Variants in RIC1 observed in about 807,000 individuals in gnomAD.
RIC1 encodes the protein RIC1 partner of RAB6A GEF complex.
A neutral mutation model predicts 169.0 loss-of-function variants in RIC1; 88 were observed. That is an observed-to-expected ratio of 0.52 (90% CI 0.44 to 0.62). The LOEUF is 0.62. RIC1 is among the 20% of genes least tolerant of loss of function. RIC1 has a pLI of 0.00. For missense variants in RIC1, 1,877 were observed against 1,725.5 expected (o/e 1.09, Z -1.56); for synonymous variants, 790 against 601.5 (o/e 1.31, Z -4.59).
chr9:5,687,824 C>A (rs756068505), intron 2 of RIC1, among the ~76,000 whole-genome samples: 1 of 152,102 alleles, frequency 6.6e-6, no homozygotes. Context: ...CTGACTCTTA[C>A]CCCTGTCATG....
chr9:5,774,034 C>G lies in RIC1; in HGVS notation c.4060C>G (p.Gln1354Glu), dbSNP rs1486361038. Residue 1354 changes from glutamine (Q) to glutamate (E), a missense_variant, in exon 26 of 26, where the codon CAG (glutamine) becomes GAG (glutamate). Gln to Glu is a conservative substitution (Grantham distance 29). Transcript: ENST00000414202. The stretch of plus-strand genomic sequence containing the variant: ...CAGTGAGATAACAGAAGAGCAGGTC[C>G]AGCCAGATGCCTTCCAACCAATAAC... Reference protein sequence around the residue: ...KLSEITEEQVQPDAFQPITMG... With the variant: ...KLSEITEEQVEPDAFQPITMG... The G allele has an allele frequency of 6.2e-7, 1 of 1,614,052 alleles. No homozygotes were observed. The highest frequency in any genetic ancestry group is 8.5e-7 in the Non-Finnish European group (1 of 1,179,956).
Position 5,734,074 on chromosome 9 carries a change from TA to T in RIC1, c.812+1597del, listed in dbSNP as rs1053036596. On this transcript the variant is annotated intron_variant, in intron 7 of 25. Transcript: ENST00000414202. ...TATATTTAAATATTATAAATATATA[TA>T]ATATATATTTTAAATATATATATAT... Among the ~76,000 whole-genome samples the T allele has an allele frequency of 4.6e-3, 682 of 147,244 alleles. 3 individuals carry two copies. The highest frequency in any genetic ancestry group is 0.016 in the African/African-American group (631 of 40,678).
rs1377309522 is a variant in RIC1, at chr9:5,713,949, C to T, written c.386C>T (p.Pro129Leu). Residue 129 changes from proline to leucine, a missense_variant, in exon 4 of 26, where the codon CCA becomes CTA. By Grantham distance (98) the Pro-to-Leu change is moderately conservative. Coordinates refer to ENST00000414202, the MANE Select transcript of RIC1 (RefSeq NM_020829.4). ...CATTTTAAGGAAGAACAGTGTGCTCCAGCATTAAATTTGGAGATGAGGAAA... is the reference window on the plus strand; with the variant it reads ...CATTTTAAGGAAGAACAGTGTGCTCTAGCATTAAATTTGGAGATGAGGAAA... ...TPHFKEEQCA[P>L]ALNLEMRKIL... is the part of the protein sequence containing the mutation. 3.0e-5 allele frequency: 48 copies of T among 1,613,206 alleles called. No homozygotes were observed. The highest frequency in any genetic ancestry group is 4.0e-5 in the Non-Finnish European group (47 of 1,179,446).
At chr9:5,716,323 C>T (rs1823238967) in intron 4 of RIC1, among the ~76,000 whole-genome samples, 1 of 152,072 alleles carries the variant, frequency 6.6e-6, no homozygotes. Flanking sequence ...TATTTCAGAA[C>T]CAGGCTGGGC....
chr9:5,705,405 T>C (rs896466502), intron 3 of RIC1, among the ~76,000 whole-genome samples: 4 of 152,116 alleles, frequency 2.6e-5, no homozygotes, highest in Non-Finnish European at 4.4e-5. Flanking sequence ...TTTTATTCCT[T>C]TTTGATGCTA....
chr9:5,754,470 T>G (rs1223638693), intron 14 of RIC1, among the ~76,000 whole-genome samples: 1 of 152,222 alleles, frequency 6.6e-6, no homozygotes, highest in Non-Finnish European at 1.5e-5. Flanking sequence ...GGCTCACGCC[T>G]GTAATCCCAG....
intron 2 of RIC1, among the ~76,000 whole-genome samples, chr9:5,680,515 C>G (rs903718629): frequency 6.6e-5 from 10 of 152,162 alleles, no homozygotes; most frequent in Non-Finnish European, 1.2e-4. Flanking sequence ...GCCTCAATTT[C>G]AGAGCCTGTT....
At chr9:5,694,874 C>T (rs924058226) in intron 3 of RIC1, among the ~76,000 whole-genome samples, 3 of 150,174 alleles carry the variant, frequency 2.0e-5, no homozygotes, top group Non-Finnish European at 4.4e-5. Flanking sequence ...AAATTATTTT[C>T]ATCCATCTGT....
intron 2 of RIC1, among the ~76,000 whole-genome samples, 166 bp downstream of exon 2, chr9:5,656,856 A>G (rs564316206): frequency 6.6e-6 from 1 of 152,306 alleles, no homozygotes; most frequent in African/African-American, 2.4e-5. Context: ...TACTCCTACT[A>G]TAGCTTTTCT....
At chr9:5,767,315 A>G (rs1826842444) in intron 21 of RIC1, among the ~76,000 whole-genome samples, 1 of 152,210 alleles carries the variant, frequency 6.6e-6, no homozygotes, top group Non-Finnish European at 1.5e-5. Context: ...TCACCCATAG[A>G]TGGGATATTG....
intron 7 of RIC1, 104 bp from the exon 8 acceptor site, chr9:5,738,346 G>C: frequency 1.4e-6 from 1 of 729,878 alleles, no homozygotes; most frequent in East Asian, 2.7e-5. Flanking sequence ...AAGTGGTTTT[G>C]TTCTAGTTTA....
At chr9:5,776,689 AT>A (rs1827607848), downstream of RIC1, 1 of 152,040 alleles carries the variant, frequency 6.6e-6, no homozygotes, top group African/African-American at 2.4e-5. Flanking sequence ...TTATATGTAG[AT>A]TTAGAATGAC....
chr9:5,674,996 C>T (rs1820355287), intron 2 of RIC1, among the ~76,000 whole-genome samples: 2 of 152,152 alleles, frequency 1.3e-5, no homozygotes, highest in Non-Finnish European at 2.9e-5. Flanking sequence ...ATAAAATTTT[C>T]TTTTTAATTC....
intron 6 of RIC1, among the ~76,000 whole-genome samples, chr9:5,730,372 C>T (rs1354310725): frequency 6.6e-6 from 1 of 152,112 alleles, no homozygotes; most frequent in Non-Finnish European, 1.5e-5. Context: ...ATATTTAAGC[C>T]TACAATGAAC....
chr9:5,681,072 C>A (rs1325605753), intron 2 of RIC1, among the ~76,000 whole-genome samples: 4 of 151,538 alleles, frequency 2.6e-5, no homozygotes, highest in Non-Finnish European at 5.9e-5. Flanking sequence ...GTGATCCGCC[C>A]GCCTCGGCCT....
chr9:5,732,918 T>C (rs980684312), intron 7 of RIC1, among the ~76,000 whole-genome samples: 4 of 152,268 alleles, frequency 2.6e-5, no homozygotes, highest in Admixed American at 6.5e-5. Context: ...TGCCTTAGTT[T>C]ATTAAATAGA....
intron 4 of RIC1, among the ~76,000 whole-genome samples, chr9:5,717,232 C>G (rs1326313059): frequency 2.0e-5 from 3 of 152,080 alleles, no homozygotes; most frequent in Non-Finnish European, 4.4e-5. Context: ...AGATTATGAA[C>G]TCTTAATTTT....
At chr9:5,695,753 T>C (rs1446256911) in intron 3 of RIC1, among the ~76,000 whole-genome samples, 2 of 152,012 alleles carry the variant, frequency 1.3e-5, no homozygotes, top group Non-Finnish European at 2.9e-5. Context: ...GTATTTTTAG[T>C]AGAGACGGGG....
chr9:5,644,338 T>C (rs1243260430), intron 1 of RIC1, among the ~76,000 whole-genome samples: 1 of 152,188 alleles, frequency 6.6e-6, no homozygotes, highest in Non-Finnish European at 1.5e-5. Flanking sequence ...TTGTGTTTGG[T>C]TTTTATTTAG....
Sources: gnomAD v4.1 joint callset for allele counts (sites outside exome capture counted in the v4.1 genomes callset) on GRCh38, gnomAD v4.1.1 for gene constraint, MANE v1.5 for transcripts, NCBI Gene and HGNC (gene_info 2026-07-23, HGNC 2026-07-21) for gene names.